Variants in PHRF1 observed in about 807,000 individuals in gnomAD.
PHRF1 encodes the protein PHD and RING finger domain-containing protein 1.
A neutral mutation model predicts 128.9 loss-of-function variants in PHRF1; 53 were observed. The observed-to-expected ratio is 0.41, with a 90% CI of 0.33 to 0.52. The LOEUF (loss-of-function observed/expected upper bound fraction) is 0.52. Among genes scored for constraint, PHRF1 ranks in the 20% least tolerant of loss-of-function variants. PHRF1 has a pLI of 0.21. For synonymous variants in PHRF1, 1,178 were observed against 980.6 expected, an observed-to-expected ratio of 1.20 and a Z score of -3.76; for missense variants, 2,503 against 2,284.5, an observed-to-expected ratio of 1.10 and a Z score of -1.95.
intron 10 of PHRF1, among the ~76,000 whole-genome samples, chr11:604,073 G>A (rs1323135523): frequency 6.6e-6 from 1 of 152,204 alleles, no homozygotes; most frequent in African/African-American, 2.4e-5. Context: ...AATTCCTGGA[G>A]TAGAAGCTAA....
At chr11:611,493 C>T (rs1480007674) in intron 17 of PHRF1, 141 bp from the exon 18 acceptor site, 6 of 1,218,080 alleles carry the variant, frequency 4.9e-6, no homozygotes, top group Non-Finnish European at 6.8e-6. Flanking sequence ...GTGGGGCGGC[C>T]TCTGCCGCCG....
rs1484381992 is a variant in PHRF1 at position 576,572 on chromosome 11, T to C, written c.-42T>C. On this transcript the variant is annotated 5_prime_UTR_variant, in exon 1 of 18. Transcript: ENST00000264555. ...GCGGCGGCGAGCGCTCGCGAGCGGC[T>C]GCGGGACGCGAGGTTTCCGGGTAAG... 6.6e-6 allele frequency: 1 copy of C among 151,648 alleles called. No homozygotes were observed. The highest frequency in any genetic ancestry group is 2.4e-5 in the African/African-American group (1 of 41,182). The allele number at this position is 151,648 out of a possible 1,614,324, so 9.4% of individuals were successfully genotyped here.
At position 592,630 on chromosome 11, in the gene PHRF1, C is replaced by G; in HGVS notation, c.576C>G (p.Ser192Arg). 1 of 1,614,048 alleles carries G rather than the reference C, an allele frequency of 6.2e-7. No homozygotes were observed. The highest frequency in any genetic ancestry group is 8.5e-7 in the Non-Finnish European group (1 of 1,179,898). The change falls in exon 6 of 18, where the codon AGC becomes AGG. Residue 192 changes from serine to arginine, a missense_variant. By Grantham distance (110) the Ser-to-Arg change is moderately radical. Transcript: ENST00000264555. The stretch of plus-strand genomic sequence containing the variant: ...CCTTCTGTGAGGTGTGCGGCAGGAG[C>G]GACCGTGAGGACAGGCTTTTGCTCT... ...DPTFCEVCGR[S>R]DREDRLLLCD... is the part of the protein sequence containing the mutation.
In PHRF1 at chr11:609,141, T is replaced by C. The variant is rs1357497473; in HGVS notation, c.3685T>C (p.Ser1229Pro). 1 of 1,606,248 alleles carries C rather than the reference T, an allele frequency of 6.2e-7. No homozygotes were observed. Among genetic ancestry groups the C allele is most frequent in the Non-Finnish European group, 8.5e-7 (1 of 1,178,718 alleles). Residue 1229 changes from serine (S) to proline (P), a missense_variant, in exon 14 of 18, where the codon TCG becomes CCG. Transcript: ENST00000264555. ...GCCAGCCTTGGGGGAAGCACATGTCTCGCCGGAGGTGGCTACGGCCGACAA... is the reference window on the plus strand; with the variant it reads ...GCCAGCCTTGGGGGAAGCACATGTCCCGCCGGAGGTGGCTACGGCCGACAA... The part of the protein sequence containing the change: ...RLPALGEAHV[S>P]PEVATADKAP...
Position 595,314 on chromosome 11 carries a change from CA to C in PHRF1, c.621-1602del, listed in dbSNP as rs375972665. 6.3e-3 allele frequency among the ~76,000 whole-genome samples: 954 copies of C among 152,110 alleles called. 7 individuals are homozygous for C. The highest frequency in any genetic ancestry group is 0.022 in the African/African-American group (915 of 41,520). On this transcript the variant is annotated intron_variant, in intron 6 of 17. Transcript: ENST00000264555. ...CTCCAGAGAGACTAAAAACAAAAAA[CA>C]AAAAAACACTATCTGTAGATACACT...
chr11:601,528 G>C, intron 9 of PHRF1, 46 bp from the exon 10 acceptor site: 2 of 1,611,474 alleles, frequency 1.2e-6, no homozygotes, highest in Non-Finnish European at 1.7e-6. Flanking sequence ...ATGGGGCAGG[G>C]AGGGCCCAGC....
chr11:609,246 T>C lies in PHRF1; in HGVS notation c.3790T>C (p.Ser1264Pro). The change falls in exon 14 of 18, where the codon TCC becomes CCC. Residue 1264 changes from serine to proline, a missense_variant. Ser to Pro is a moderately conservative substitution (Grantham distance 74). Transcript: ENST00000264555. ...PDDLDLDYGDSVEAGHVFDDF... is the reference protein window; with the variant it reads ...PDDLDLDYGDPVEAGHVFDDF... ...CGACCTGGACCTGGATTATGGCGACTCCGTGGAGGCCGGACACGTCTTTGA... is the reference window on the plus strand; with the variant it reads ...CGACCTGGACCTGGATTATGGCGACCCCGTGGAGGCCGGACACGTCTTTGA... The C allele has an allele frequency of 6.2e-7, 1 of 1,611,580 alleles. No homozygotes were observed. The highest frequency in any genetic ancestry group is 8.5e-7 in the Non-Finnish European group (1 of 1,179,874).
intron 13 of PHRF1, chr11:606,862 G>A: frequency 3.2e-6 from 3 of 949,292 alleles, no homozygotes; most frequent in Admixed American, 5.9e-5. Context: ...TGTCCTGATG[G>A]CCTCAGGCAC....
chr11:611,463 A>T (rs1307376296), intron 17 of PHRF1, among the ~76,000 whole-genome samples, 171 bp from the exon 18 acceptor site: 1 of 152,176 alleles, frequency 6.6e-6, no homozygotes, highest in Admixed American at 6.5e-5. Context: ...CATAGCGAAC[A>T]GGACGGGGGT....
chr11:610,300 A>G lies in PHRF1; in HGVS notation c.4369A>G (p.Ser1457Gly), dbSNP rs201244128. Residue 1457 changes from serine (S) to glycine (G), a missense_variant, in exon 15 of 18, where the codon AGT becomes GGT. Coordinates refer to ENST00000264555, the MANE Select transcript of PHRF1 (RefSeq NM_001286581.2). Reference sequence around the variant, plus strand: ...GGTGTTCTCCGAGCTGCCCTTTCCCAGTCACGTGCTTCCGGAACCCGGGTT... The same window carrying G: ...GGTGTTCTCCGAGCTGCCCTTTCCCGGTCACGTGCTTCCGGAACCCGGGTT... ...RQVFSELPFP[S>G]HVLPEPGFPD... The G allele has an allele frequency of 3.8e-3, 5,938 of 1,564,686 alleles. 21 individuals carry two copies. The highest frequency in any genetic ancestry group is 4.7e-3 in the Non-Finnish European group (5,384 of 1,154,724).
At chr11:599,557 G>A (rs1270976397) in intron 9 of PHRF1, among the ~76,000 whole-genome samples, 1 of 152,050 alleles carries the variant, frequency 6.6e-6, no homozygotes, top group Non-Finnish European at 1.5e-5. Context: ...CTGGCCTGAA[G>A]CGTACGTGCT....
rs57973687 is a variant in PHRF1 at position 580,732 on chromosome 11, A to G, written c.-21-760A>G. Among the ~76,000 whole-genome samples, 1,236 of 152,312 alleles carry G rather than the reference A, an allele frequency of 8.1e-3. 17 individuals carry two copies. The highest frequency in any genetic ancestry group is 0.028 in the African/African-American group (1,172 of 41,564). ...AGATGGAGTTTTGCTCTTATTGCGC[A>G]GGCTGGAGTGCAGTGGCGCGATCTC... On this transcript the variant is annotated intron_variant, in intron 1 of 17. Coordinates refer to ENST00000264555, the MANE Select transcript of PHRF1 (RefSeq NM_001286581.2).
In PHRF1 at chr11:607,414, A is replaced by G. The variant is rs1856017970; in HGVS notation, c.1958A>G (p.Asp653Gly). 6.2e-7 allele frequency: 1 copy of G among 1,612,816 alleles called. No individual in the cohort carries two copies. The highest frequency in any genetic ancestry group is 8.5e-7 in the Non-Finnish European group (1 of 1,179,870). The stretch of plus-strand genomic sequence containing the variant: ...GCCGCGTCTAAGATCTCAAGCAGAG[A>G]TTCTAAGCCCCCATGTCGCAGTGTG... ...ASAASKISSR[D>G]SKPPCRSVVP... Residue 653 changes from aspartate to glycine, a missense_variant, in exon 14 of 18, where the codon GAT becomes GGT. Asp to Gly is a moderately conservative substitution (Grantham distance 94, BLOSUM62 -1). Transcript: ENST00000264555.
Position 607,160 on chromosome 11 carries a change from C to T in PHRF1, c.1704C>T (p.Ser568=), listed in dbSNP as rs752640564. 2 of 1,612,814 alleles carry T rather than the reference C, an allele frequency of 1.2e-6. No individual in the cohort carries two copies. The highest frequency in any genetic ancestry group is 2.2e-5 in the South Asian group (2 of 91,082). The stretch of plus-strand genomic sequence containing the variant: ...AGCCCCGAGCACTGCCCTCCGGGAG[C>T]CCGGCCCAAGGCCCGTCAGGAAACA... ...CLQPRALPSG[S]PAQGPSGNRP... is the part of the protein sequence containing the mutation. The change falls in exon 14 of 18, where the codon AGC becomes AGT. Residue 568 remains serine, a synonymous_variant. Coordinates refer to ENST00000264555, the MANE Select transcript of PHRF1 (RefSeq NM_001286581.2).
chr11:606,188 A>G (rs1023659753), intron 12 of PHRF1, among the ~76,000 whole-genome samples: 6 of 152,264 alleles, frequency 3.9e-5, no homozygotes, highest in Non-Finnish European at 7.3e-5. Context: ...CAAAGGCACC[A>G]GAGGTGACTT....
At position 611,799 on chromosome 11, in the gene PHRF1, G is replaced by T. The variant is rs1244988042; in HGVS notation, c.*22G>T. On this transcript the variant is annotated 3_prime_UTR_variant, in exon 18 of 18. Transcript: ENST00000264555. ...CTGAGGCCAGGCAATCACGGGCTAT[G>T]CCCGGGGAGCTGTCGGGAGTGGCGG... is the stretch of plus-strand genomic sequence containing the variant. 2.5e-6 allele frequency: 4 copies of T among 1,580,558 alleles called. No individual in the cohort carries two copies. Among genetic ancestry groups the T allele is most frequent in the South Asian group, 1.1e-5 (1 of 88,000 alleles).
rs746910335 is a variant in PHRF1 at position 609,574 on chromosome 11, C to T, written c.4118C>T (p.Ser1373Phe). 33 of 1,598,576 alleles carry T rather than the reference C, an allele frequency of 2.1e-5. No individual in the cohort carries two copies. The highest frequency in any genetic ancestry group is 2.3e-5 in the East Asian group (1 of 44,278). The stretch of plus-strand genomic sequence containing the variant: ...CCTGCGGGGAAGGAAGACAGCCCCT[C>T]TGCGAGTGGGAGGGTACAGGAGGCA... ...VAPAGKEDSP[S>F]ASGRVQEAAR... Residue 1373 changes from serine (S) to phenylalanine (F), a missense_variant, in exon 14 of 18, where the codon TCT (serine) becomes TTT (phenylalanine). By Grantham distance (155) the Ser-to-Phe change is radical (BLOSUM62 -2). Coordinates refer to ENST00000264555, the MANE Select transcript of PHRF1 (RefSeq NM_001286581.2).
At chr11:578,816 G>C (rs1854037872) in intron 1 of PHRF1, among the ~76,000 whole-genome samples, 1 of 152,116 alleles carries the variant, frequency 6.6e-6, no homozygotes, top group Non-Finnish European at 1.5e-5. Context: ...CTCCCAAAGT[G>C]CTGGGATTAC....
At position 606,461 on chromosome 11, in the gene PHRF1, G is replaced by T. The variant is rs760807355; in HGVS notation, c.1474G>T (p.Val492Leu). 13 of 1,572,192 alleles carry T rather than the reference G, an allele frequency of 8.3e-6. No individual in the cohort carries two copies. Among genetic ancestry groups the T allele is most frequent in the African/African-American group, 1.3e-5 (1 of 74,116 alleles). ...CCACAGGAGGCGCCTCCCTGCCGCG[G>T]TGCCAGAGCCAGACTTGGAGGAGGA... ...GLSRRRLPAA[V>L]PEPDLEEEPV... Residue 492 changes from valine (V) to leucine (L), a missense_variant, in exon 13 of 18, where the codon GTG becomes TTG. Transcript: ENST00000264555.
Sources: gnomAD v4.1 joint callset for allele counts (sites outside exome capture counted in the v4.1 genomes callset) on GRCh38, gnomAD v4.1.1 for gene constraint, MANE v1.5 for transcripts, NCBI Gene and HGNC (gene_info 2026-07-23, HGNC 2026-07-21) for gene names.